The following XIRP2 variants were observed in gnomAD, a reference collection of about 807,000 sequenced individuals.
XIRP2 encodes the protein xin actin-binding repeat-containing protein 2.
XIRP2 carries 236 observed loss-of-function variants against 277.0 expected under a neutral mutation model. The observed-to-expected ratio is 0.85, with a 90% CI of 0.77 to 0.95. The LOEUF is 0.95. Among genes scored for constraint, XIRP2 ranks in the 40% least tolerant of loss-of-function variants. The pLI, the probability that XIRP2 is intolerant of heterozygous loss-of-function variation, is 0.00. For synonymous variants in XIRP2, 1,490 were observed against 1,416.5 expected, an observed-to-expected ratio of 1.05 and a Z score of -1.17; for missense variants, 4,640 against 4,157.5, an observed-to-expected ratio of 1.12 and a Z score of -3.19.
At chr2:167,006,321 T>C (rs1303749445) in intron 2 of XIRP2, among the ~76,000 whole-genome samples, 1 of 151,656 alleles carries the variant, frequency 6.6e-6, no homozygotes, top group Admixed American at 6.6e-5. Flanking sequence ...CACAGTTCAA[T>C]GGTGGGGCGG....
At chr2:167,128,699 A>T (rs1691284646) in intron 2 of XIRP2, among the ~76,000 whole-genome samples, 2 of 152,080 alleles carry the variant, frequency 1.3e-5, no homozygotes, top group African/African-American at 4.8e-5. Context: ...TTACCTACAG[A>T]ATCAAATTCA....
At chr2:167,049,798 A>T (rs1688872722) in intron 2 of XIRP2, among the ~76,000 whole-genome samples, 1 of 152,096 alleles carries the variant, frequency 6.6e-6, no homozygotes, top group East Asian at 1.9e-4. Context: ...TGAGAAAACA[A>T]ATGAAAAATG....
chr2:166,955,318 C>A lies in XIRP2; in HGVS notation c.408+51428C>A, dbSNP rs1461290321. ...AGTGAAAAAAGGGAAACACAAGAGA[C>A]CACATATTGTATAATTCCATTTACA... is the stretch of plus-strand genomic sequence containing the variant. On this transcript the variant is annotated intron_variant, in intron 2 of 10. Transcript: ENST00000409195. Among the ~76,000 whole-genome samples, 3 of 151,770 alleles carry A rather than the reference C, an allele frequency of 2.0e-5. No individual in the cohort carries two copies. The East Asian group carries it at 5.8e-4, about 30-fold the overall frequency.
chr2:167,019,634 C>T (rs1028872457), intron 2 of XIRP2, among the ~76,000 whole-genome samples: 2 of 152,032 alleles, frequency 1.3e-5, no homozygotes, highest in Non-Finnish European at 2.9e-5. Flanking sequence ...GTCAGATTTG[C>T]AGTGTTTGCA....
At position 167,136,005 on chromosome 2, in the gene XIRP2, A is replaced by C. The variant is rs771180525; in HGVS notation, c.505A>C (p.Lys169Gln). ...TGTGAAAGATTCAGACAAGAAAGGCAAGGAAACATCTTTTGACAAGATGTC... is the reference window on the plus strand; with the variant it reads ...TGTGAAAGATTCAGACAAGAAAGGCCAGGAAACATCTTTTGACAAGATGTC... ...DSVKDSDKKG[K>Q]ETSFDKMSPE... The change falls in exon 3 of 11, where the codon AAG becomes CAG. Residue 169 changes from lysine to glutamine, a missense_variant. Physicochemically the swap from Lys to Gln is moderately conservative, Grantham distance 53. Coordinates refer to ENST00000409195, the MANE Select transcript of XIRP2 (RefSeq NM_152381.6). The C allele has an allele frequency of 3.1e-6, 5 of 1,611,910 alleles. No individual in the cohort carries two copies. Among genetic ancestry groups the C allele is most frequent in the Middle Eastern group, 1.6e-4 (1 of 6,076 alleles).
At chr2:166,995,849 A>G (rs536983670) in intron 2 of XIRP2, among the ~76,000 whole-genome samples, 2 of 152,278 alleles carry the variant, frequency 1.3e-5, no homozygotes, top group Non-Finnish European at 2.9e-5. Context: ...CAAGTCATCA[A>G]ATGCCACTTC....
intron 2 of XIRP2, among the ~76,000 whole-genome samples, chr2:166,997,073 C>G (rs186157815): frequency 7.8e-4 from 119 of 152,266 alleles, no homozygotes; most frequent in African/African-American, 2.7e-3. Context: ...AGGAGGACGT[C>G]TACTGGACCT....
At chr2:167,129,569 G>A (rs910316722) in intron 2 of XIRP2, among the ~76,000 whole-genome samples, 1 of 151,984 alleles carries the variant, frequency 6.6e-6, no homozygotes, top group Non-Finnish European at 1.5e-5. Context: ...TTATACATAT[G>A]TTAAAGCAAT....
At chr2:166,921,624 C>T (rs1685043027) in intron 2 of XIRP2, among the ~76,000 whole-genome samples, 1 of 152,042 alleles carries the variant, frequency 6.6e-6, no homozygotes, top group Non-Finnish European at 1.5e-5. Context: ...TTCTTTCCCT[C>T]CTGGTTTTTA....
At chr2:167,024,568 C>G (rs548274625) in intron 2 of XIRP2, among the ~76,000 whole-genome samples, 1 of 152,212 alleles carries the variant, frequency 6.6e-6, no homozygotes, top group Non-Finnish European at 1.5e-5. Context: ...TTTGCCCATT[C>G]AGTATGATAT....
intron 2 of XIRP2, among the ~76,000 whole-genome samples, chr2:166,934,908 G>C (rs569709539): frequency 1.3e-5 from 2 of 152,190 alleles, no homozygotes; most frequent in East Asian, 3.9e-4. Context: ...GCACACACCT[G>C]TAGTCTCAGC....
intron 2 of XIRP2, among the ~76,000 whole-genome samples, chr2:167,079,191 C>T (rs1038880201): frequency 6.6e-6 from 1 of 152,166 alleles, no homozygotes; most frequent in African/African-American, 2.4e-5. Flanking sequence ...ACCAAACTTG[C>T]ATCCAAGAAA....
chr2:167,041,442 C>G (rs1202889627), intron 2 of XIRP2, among the ~76,000 whole-genome samples: 1 of 152,020 alleles, frequency 6.6e-6, no homozygotes, highest in East Asian at 1.9e-4. Flanking sequence ...TAAAATGATA[C>G]AAGAGCTGAA....
Position 167,243,854 on chromosome 2 carries a change from A to G in XIRP2, c.2462A>G (p.Lys821Arg). The change falls in exon 9 of 11, where the codon AAA becomes AGA. Residue 821 changes from lysine (K) to arginine (R), a missense_variant. Physicochemically the swap from Lys to Arg is conservative, Grantham distance 26. Coordinates refer to ENST00000409195, the MANE Select transcript of XIRP2 (RefSeq NM_152381.6). ...GAAACCCAACCTTTGGAGAAAATCA[A>G]AGAGTCAGAAGAGGTCATCATTGAA... Reference protein sequence around the residue: ...LFETQPLEKIKESEEVIIEKE... With the variant: ...LFETQPLEKIRESEEVIIEKE... 6.2e-7 allele frequency: 1 copy of G among 1,613,706 alleles called. No homozygotes were observed. Among genetic ancestry groups the G allele is most frequent in the East Asian group, 2.2e-5 (1 of 44,854 alleles).
intron 3 of XIRP2, among the ~76,000 whole-genome samples, chr2:167,194,093 T>A (rs1312205314): frequency 2.0e-5 from 3 of 151,958 alleles, no homozygotes; most frequent in Non-Finnish European, 4.4e-5. Flanking sequence ...CTTTTTTCTT[T>A]TTTTTTGAGA....
chr2:167,094,089 A>T (rs765333048), intron 2 of XIRP2, among the ~76,000 whole-genome samples: 1 of 152,090 alleles, frequency 6.6e-6, no homozygotes, highest in Non-Finnish European at 1.5e-5. Context: ...TTTTTTTCAT[A>T]TATGTGTTGG....
At position 167,246,540 on chromosome 2, in the gene XIRP2, C is replaced by G; in HGVS notation, c.5148C>G (p.Thr1716=). The G allele has an allele frequency of 6.2e-7, 1 of 1,613,634 alleles. No individual in the cohort carries two copies. Among genetic ancestry groups the G allele is most frequent in the Non-Finnish European group, 8.5e-7 (1 of 1,179,772 alleles). Residue 1716 remains threonine, a synonymous_variant, in exon 9 of 11, where the codon ACC becomes ACG. Transcript: ENST00000409195. ...EEVIGGDVKR[T]IHNLLSSTSN... is the part of the protein sequence containing the mutation. Reference sequence around the variant, plus strand: ...TAATAGGTGGTGATGTCAAACGTACCATTCATAATTTATTGTCTTCCACAT... The same window carrying G: ...TAATAGGTGGTGATGTCAAACGTACGATTCATAATTTATTGTCTTCCACAT...
In XIRP2 at chr2:167,233,273, G is replaced by C. The variant is rs1205602635; in HGVS notation, c.859-6582G>C. 3.3e-5 allele frequency among the ~76,000 whole-genome samples: 5 copies of C among 151,882 alleles called. 1 individual carries two copies. Among genetic ancestry groups the C allele is most frequent in the African/African-American group, 1.2e-4 (5 of 41,416 alleles). On this transcript the variant is annotated intron_variant, in intron 5 of 10. Transcript: ENST00000409195. ...CATAAAGCTGGAGATTTTGGCAAAG[G>C]CCAGATAATAAATAAAATTTTATGT...
chr2:167,181,066 C>T (rs1345036470), intron 3 of XIRP2, among the ~76,000 whole-genome samples: 4 of 152,124 alleles, frequency 2.6e-5, no homozygotes, highest in Non-Finnish European at 4.4e-5. Context: ...TTCCACCATC[C>T]CTTCTCTAAA....
Sources: gnomAD v4.1 joint callset for allele counts (sites outside exome capture counted in the v4.1 genomes callset) on GRCh38, gnomAD v4.1.1 for gene constraint, MANE v1.5 for transcripts, NCBI Gene and HGNC (gene_info 2026-07-23, HGNC 2026-07-21) for gene names.